SMARCAD1: variants seen among roughly 807,000 people sequenced by gnomAD.
SMARCAD1 encodes the protein SWI/SNF-related matrix-associated actin-dependent regulator of chromatin subfamily A containing DEAD/H box 1.
SMARCAD1 carries 25 observed loss-of-function variants against 127.1 expected under a neutral mutation model. The ratio of observed to expected loss-of-function variants is 0.20; its 90% CI spans 0.14 to 0.27. The LOEUF (loss-of-function observed/expected upper bound fraction) is 0.27. Among genes scored for constraint, SMARCAD1 ranks in the 10% least tolerant of loss-of-function variants. The pLI, the probability that SMARCAD1 is intolerant of heterozygous loss-of-function variation, is 1.00. For synonymous variants in SMARCAD1, 400 were observed against 396.9 expected (o/e 1.01, Z -0.09); for missense variants, 807 against 1,206.0 (o/e 0.67, Z 4.90).
At chr4:94,286,263 C>T (rs1037020219) in intron 23 of SMARCAD1, among the ~76,000 whole-genome samples, 8 of 152,164 alleles carry the variant, frequency 5.3e-5, no homozygotes, top group African/African-American at 1.7e-4. Context: ...TTTTCAGCAG[C>T]CTCTTTCTTC....
At chr4:94,270,931 T>A (rs1752458469) in intron 11 of SMARCAD1, 113 bp downstream of exon 11, 1 of 814,732 alleles carries the variant, frequency 1.2e-6, no homozygotes, top group Non-Finnish European at 2.1e-6. Context: ...TACTGCCACC[T>A]CAGTACCTTA....
intron 2 of SMARCAD1, chr4:94,213,233 A>G (rs937094813): frequency 2.0e-6 from 1 of 509,278 alleles, no homozygotes; most frequent in Non-Finnish European, 3.1e-6. Flanking sequence ...TAGAATCACT[A>G]TCTGTAATTC....
rs1180112972 is a variant in SMARCAD1 at position 94,290,094 on chromosome 4, C to T, written c.*560C>T. On this transcript the variant is annotated 3_prime_UTR_variant, in exon 24 of 24. Transcript: ENST00000354268. ...TCAACCTGAATTTAAAGGTGGCATT[C>T]CATATACTAACATCCCCCAGGTCCT... 2 of 454,358 alleles carry T rather than the reference C, an allele frequency of 4.4e-6. No individual in the cohort carries two copies. Among genetic ancestry groups the T allele is most frequent in the Non-Finnish European group, 8.8e-6 (2 of 226,770 alleles). 28.1% of individuals were successfully genotyped at this position (454,358 alleles called of 1,614,324 possible). A position where few individuals can be genotyped will look rare whatever the true frequency, so the allele number is the denominator to read the frequency against.
intron 5 of SMARCAD1, among the ~76,000 whole-genome samples, chr4:94,238,796 C>T (rs1365539497): frequency 1.3e-5 from 2 of 152,130 alleles, no homozygotes; most frequent in African/African-American, 2.4e-5. Flanking sequence ...CTTTATTCCA[C>T]GGTGGTATCT....
rs541151884 is a variant in SMARCAD1, at chr4:94,279,904, G to A, written c.2419-688G>A. On this transcript the variant is annotated intron_variant, in intron 19 of 23. Coordinates refer to ENST00000354268, the MANE Select transcript of SMARCAD1 (RefSeq NM_020159.5). ...TTTGAGATAGACTTTTGCTCTTGTC[G>A]CCCAGGCTGGAGTGCGATGGCATGA... Among the ~76,000 whole-genome samples, 14 of 150,262 alleles carry A rather than the reference G, an allele frequency of 9.3e-5. No individual in the cohort carries two copies. The East Asian group carries it at 1.2e-3, about 13-fold the overall frequency.
At chr4:94,232,919 G>T (rs1746068050) in intron 3 of SMARCAD1, among the ~76,000 whole-genome samples, 1 of 152,160 alleles carries the variant, frequency 6.6e-6, no homozygotes, top group Admixed American at 6.5e-5. Context: ...GACAAAGGTT[G>T]CCGTGAGCCA....
Position 94,290,537 on chromosome 4 carries a change from C to G in SMARCAD1, c.*1003C>G, listed in dbSNP as rs982583903. 4 of 454,342 alleles carry G rather than the reference C, an allele frequency of 8.8e-6. No homozygotes were observed. Among genetic ancestry groups the G allele is most frequent in the East Asian group, 1.4e-4 (2 of 14,410 alleles). 28.1% of individuals were successfully genotyped at this position (454,342 alleles called of 1,614,324 possible). A position where few individuals can be genotyped will look rare whatever the true frequency, so the allele number is the denominator to read the frequency against. On this transcript the variant is annotated 3_prime_UTR_variant, in exon 24 of 24. Coordinates refer to ENST00000354268, the MANE Select transcript of SMARCAD1 (RefSeq NM_020159.5). ...GGAAATAGGTCATTAACTTGAAACT[C>G]TTATCAAAATATATTTTACCAGTTT...
At chr4:94,230,477 A>G (rs980945112) in intron 3 of SMARCAD1, among the ~76,000 whole-genome samples, 1 of 152,100 alleles carries the variant, frequency 6.6e-6, no homozygotes, top group Non-Finnish European at 1.5e-5. Context: ...TTCCCCATGT[A>G]TGGGCATTTT....
At chr4:94,283,052 AT>A in intron 21 of SMARCAD1, 68 bp from the exon 22 acceptor site, 1 of 1,319,270 alleles carries the variant, frequency 7.6e-7, no homozygotes, top group Non-Finnish European at 1.1e-6. Flanking sequence ...TGTGATAATG[AT>A]TGTTTTCCAT....
chr4:94,261,290 T>G (rs1033332387), intron 9 of SMARCAD1, among the ~76,000 whole-genome samples: 1 of 152,214 alleles, frequency 6.6e-6, no homozygotes, highest in Non-Finnish European at 1.5e-5. Flanking sequence ...GTACACATTT[T>G]ACTTTTTATC....
intron 3 of SMARCAD1, among the ~76,000 whole-genome samples, chr4:94,231,152 G>GTA (rs1745780503): frequency 6.6e-6 from 1 of 152,158 alleles, no homozygotes; most frequent in African/African-American, 2.4e-5. Flanking sequence ...GTGAAATGGA[G>GTA]GAGAATGGGG....
intron 9 of SMARCAD1, among the ~76,000 whole-genome samples, chr4:94,259,847 C>T (rs532627006): frequency 6.6e-6 from 1 of 152,224 alleles, no homozygotes; most frequent in Non-Finnish European, 1.5e-5. Context: ...ATTCTTATAT[C>T]TAATAAAAAT....
intron 3 of SMARCAD1, among the ~76,000 whole-genome samples, chr4:94,233,488 A>G (rs1413359980): frequency 6.6e-6 from 1 of 152,206 alleles, no homozygotes; most frequent in Non-Finnish European, 1.5e-5. Flanking sequence ...AGATTCCTAT[A>G]TTCAATGGGA....
rs1277538231 is a variant in SMARCAD1 at position 94,252,758 on chromosome 4, T to G, written c.1032T>G (p.Arg344=). 1 of 1,608,922 alleles carries G rather than the reference T, an allele frequency of 6.2e-7. No individual in the cohort carries two copies. Among genetic ancestry groups the G allele is most frequent in the Non-Finnish European group, 8.5e-7 (1 of 1,178,616 alleles). ...CACAAAATGGCTTTAACAAGAAACGTAAAAAAAATGTTTTTAATCCAAAGA... is the reference window on the plus strand; with the variant it reads ...CACAAAATGGCTTTAACAAGAAACGGAAAAAAAATGTTTTTAATCCAAAGA... ...MKAQNGFNKK[R]KKNVFNPKRV... The change falls in exon 9 of 24, where the codon CGT becomes CGG. Residue 344 remains arginine, a synonymous_variant. Coordinates refer to ENST00000354268, the MANE Select transcript of SMARCAD1 (RefSeq NM_020159.5).
At chr4:94,225,328 A>G (rs1456115697) in intron 2 of SMARCAD1, among the ~76,000 whole-genome samples, 3 of 152,136 alleles carry the variant, frequency 2.0e-5, no homozygotes, top group African/African-American at 7.2e-5. Flanking sequence ...CCTTGTCTTC[A>G]AATGGCCTTT....
chr4:94,291,190 G>A lies in SMARCAD1; in HGVS notation c.*1656G>A, dbSNP rs1324162718. 2 of 453,670 alleles carry A rather than the reference G, an allele frequency of 4.4e-6. No homozygotes were observed. The highest frequency in any genetic ancestry group is 2.0e-5 in the African/African-American group (1 of 49,910). The allele number at this position is 453,670 out of a possible 1,614,324, so 28.1% of individuals were successfully genotyped here. A position where few individuals can be genotyped will look rare whatever the true frequency, so the allele number is the denominator to read the frequency against. ...TGTTTCTTTTTTTGTTGTTATTGTTGTTGTTGTTATATCCATACTTTTATC... is the reference window on the plus strand; with the variant it reads ...TGTTTCTTTTTTTGTTGTTATTGTTATTGTTGTTATATCCATACTTTTATC... On this transcript the variant is annotated 3_prime_UTR_variant, in exon 24 of 24. Transcript: ENST00000354268.
chr4:94,249,130 T>C (rs1171232902), intron 6 of SMARCAD1, among the ~76,000 whole-genome samples: 1 of 152,150 alleles, frequency 6.6e-6, no homozygotes, highest in Non-Finnish European at 1.5e-5. Flanking sequence ...GTTTATACAT[T>C]ATTTAGTTCC....
At chr4:94,242,064 CT>C (rs751058485) in intron 6 of SMARCAD1, among the ~76,000 whole-genome samples, 5 of 151,950 alleles carry the variant, frequency 3.3e-5, no homozygotes, top group Non-Finnish European at 7.4e-5. Context: ...GAGACAGAGT[CT>C]TACTCTGTCC....
At chr4:94,289,438 T>C (rs1755412182) in intron 23 of SMARCAD1, 35 bp from the exon 24 acceptor site, 3 of 1,568,566 alleles carry the variant, frequency 1.9e-6, no homozygotes, top group Non-Finnish European at 2.6e-6. Context: ...TAAAATATTT[T>C]TATAAAGCTT....
Sources: gnomAD v4.1 joint callset for allele counts (sites outside exome capture counted in the v4.1 genomes callset) on GRCh38, gnomAD v4.1.1 for gene constraint, MANE v1.5 for transcripts, NCBI Gene and HGNC (gene_info 2026-07-23, HGNC 2026-07-21) for gene names.